The following HIP1R variants were observed in gnomAD, a reference collection of about 807,000 sequenced individuals.
The protein encoded by HIP1R is huntingtin-interacting protein 1-related protein.
Under a neutral mutation model 144.2 loss-of-function variants are expected in HIP1R, and 135 were observed. The ratio of observed to expected loss-of-function variants is 0.94; its 90% CI spans 0.81 to 1.08. The LOEUF (loss-of-function observed/expected upper bound fraction) is 1.08. HIP1R is among the 50% of genes least tolerant of loss of function. HIP1R has a pLI of 0.00. For synonymous variants in HIP1R, 698 were observed against 612.8 expected, an observed-to-expected ratio of 1.14 and a Z score of -2.05; for missense variants, 1,462 against 1,432.8, an observed-to-expected ratio of 1.02 and a Z score of -0.33.
Position 122,856,240 on chromosome 12 carries a change from CT to C in HIP1R, c.1313-15del. ...CACCCCACACGGGGCATCACTGCCCCTCCTCTCGCCCCCAGGGAAGGCCAGT... is the reference window on the plus strand; with the variant it reads ...CACCCCACACGGGGCATCACTGCCCCCCTCTCGCCCCCAGGGAAGGCCAGT... On this transcript the variant is annotated splice_polypyrimidine_tract_variant and intron_variant, in intron 14 of 31. Transcript: ENST00000253083. 1 of 1,613,536 alleles carries C rather than the reference CT, an allele frequency of 6.2e-7. No homozygotes were observed. Among genetic ancestry groups the C allele is most frequent in the Non-Finnish European group, 8.5e-7 (1 of 1,179,898 alleles).
intron 18 of HIP1R, 43 bp downstream of exon 18, chr12:122,857,258 C>T (rs566700656): frequency 4.6e-5 from 69 of 1,511,452 alleles, no homozygotes; most frequent in African/African-American, 8.3e-5. Context: ...AGTTCACTGC[C>T]GTCTGGCAAC....
At chr12:122,853,850 C>T (rs1218966345) in intron 7 of HIP1R, 193 bp from the exon 8 acceptor site, 27 of 567,916 alleles carry the variant, frequency 4.8e-5, no homozygotes, top group Admixed American at 6.8e-5. Context: ...TTGTTGTTGC[C>T]GTTGACCTCC....
In HIP1R at chr12:122,849,872, C is replaced by T; in HGVS notation, c.358-3C>T. On this transcript the variant is annotated splice_region_variant and splice_polypyrimidine_tract_variant and intron_variant, in intron 4 of 31. Transcript: ENST00000253083. ...GCCCCTCACCCTGTCTGTCTTCACA[C>T]AGGGACATTTGCATGACCGCTACGG... 1 of 1,611,530 alleles carries T rather than the reference C, an allele frequency of 6.2e-7. No homozygotes were observed. The highest frequency in any genetic ancestry group is 1.1e-5 in the South Asian group (1 of 90,978).
At chr12:122,835,090 CCCT>C, upstream of HIP1R, 3 of 1,014,938 alleles carry the variant, frequency 3.0e-6, no homozygotes, top group Non-Finnish European at 4.0e-6. Flanking sequence ...TTCCCCCTCC[CCCT>C]TCCCCTACCC....
chr12:122,855,591 A>G lies in HIP1R; in HGVS notation c.1034A>G (p.Asn345Ser), dbSNP rs149504879. The G allele has an allele frequency of 6.7e-4, 1,041 of 1,549,792 alleles. 1 individual carries two copies. Among genetic ancestry groups the G allele is most frequent in the South Asian group, 1.4e-3 (119 of 83,988 alleles). ...TTCGATCAGACGTTTGGACCCCCCA[A>G]TGGGTCTGTGAAGGACGACAGGTGA... is the stretch of plus-strand genomic sequence containing the variant. ...DLFDQTFGPP[N>S]GSVKDDRDLQ... The change falls in exon 12 of 32, where the codon AAT becomes AGT. Residue 345 changes from asparagine to serine, a missense_variant. This residue lies in a region of HIP1R where 1,112 missense variants were observed against 1,011.7 expected (regional missense o/e 1.10). Transcript: ENST00000253083.
At chr12:122,839,400 A>G (rs1231264538) in intron 1 of HIP1R, among the ~76,000 whole-genome samples, 1 of 152,240 alleles carries the variant, frequency 6.6e-6, no homozygotes, top group Non-Finnish European at 1.5e-5. Context: ...CTGGCGGGTG[A>G]GCATTAACTG....
Position 122,856,437 on chromosome 12 carries a change from G to C in HIP1R, c.1407G>C (p.Ala469=), listed in dbSNP as rs767305459. ...CCCTTCCCCTGCCCATGCAGAACGC[G>C]GACACAGCCAAGCAGCTGACGGTGA... ...HVHAELLRKN[A]DTAKQLTVTQ... The change falls in exon 16 of 32, where the codon GCG becomes GCC. Residue 469 remains alanine (A), a synonymous_variant. Transcript: ENST00000253083. The C allele has an allele frequency of 6.3e-7, 1 of 1,595,064 alleles. No individual in the cohort carries two copies. Among genetic ancestry groups the C allele is most frequent in the South Asian group, 1.1e-5 (1 of 88,888 alleles).
intron 4 of HIP1R, 53 bp from the exon 5 acceptor site, chr12:122,849,822 C>A: frequency 7.4e-7 from 1 of 1,359,424 alleles, no homozygotes. Flanking sequence ...TCCTTGAGGA[C>A]TCTTGGACGT....
intron 23 of HIP1R, 69 bp downstream of exon 23, chr12:122,859,605 T>G: frequency 7.0e-7 from 1 of 1,421,912 alleles, no homozygotes; most frequent in Non-Finnish European, 9.8e-7. Context: ...CCAACTGGGC[T>G]GGGTACAGGC....
Position 122,856,327 on chromosome 12 carries a change from G to A in HIP1R, c.1384G>A (p.Ala462Thr), listed in dbSNP as rs774558277. The change falls in exon 15 of 32, where the codon GCG (alanine) becomes ACG (threonine). Residue 462 changes from alanine (A) to threonine (T), a missense_variant. Physicochemically the swap from Ala to Thr is moderately conservative, Grantham distance 58. Coordinates refer to ENST00000253083, the MANE Select transcript of HIP1R (RefSeq NM_003959.3). The stretch of plus-strand genomic sequence containing the variant: ...GCACAGTGAGCTCGTCCATGTGCAC[G>A]CGGAGCTGCTCAGAAAGGTAGGTGC... ...EKHSELVHVH[A>T]ELLRKNADTA... is the part of the protein sequence containing the mutation. 5 of 1,613,848 alleles carry A rather than the reference G, an allele frequency of 3.1e-6. No individual in the cohort carries two copies. The highest frequency in any genetic ancestry group is 2.2e-5 in the East Asian group (1 of 44,870).
Position 122,856,636 on chromosome 12 carries a change from G to A in HIP1R, c.1530G>A (p.Lys510=), listed in dbSNP as rs1390569505. ...CTGTCCTGTCCCAGCTAGAGGAGAAGAGCGACCAGCTGGAGAAGCTCAAGA... is the reference window on the plus strand; with the variant it reads ...CTGTCCTGTCCCAGCTAGAGGAGAAAAGCGACCAGCTGGAGAAGCTCAAGA... ...KRESELKLEE[K]SDQLEKLKRE... The change falls in exon 17 of 32, where the codon AAG becomes AAA. Residue 510 remains lysine (K), a synonymous_variant. Coordinates refer to ENST00000253083, the MANE Select transcript of HIP1R (RefSeq NM_003959.3). 6.2e-7 allele frequency: 1 copy of A among 1,605,444 alleles called. No homozygotes were observed. The highest frequency in any genetic ancestry group is 8.5e-7 in the Non-Finnish European group (1 of 1,176,056).
At position 122,840,017 on chromosome 12, in the gene HIP1R, CGTT is replaced by C. The variant is rs2033014159; in HGVS notation, c.93+4378_93+4380del. ...CGCAGCATGGCATGGGCGTTGAGCT[CGTT>C]GTTCCTGGGCATGCGCACTGCTGTC... On this transcript the variant is annotated intron_variant, in intron 1 of 31. Transcript: ENST00000253083. This position sits in a 1 kb window ranked among gnomAD's most constrained non-coding sequence, Gnocchi z 4.2. 6.6e-6 allele frequency among the ~76,000 whole-genome samples: 1 copy of C among 152,270 alleles called. No homozygotes were observed. Among genetic ancestry groups the C allele is most frequent in the East Asian group, 1.9e-4 (1 of 5,200 alleles).
chr12:122,854,299 A>G, intron 8 of HIP1R, 116 bp downstream of exon 8: 1 of 714,580 alleles, frequency 1.4e-6, no homozygotes, highest in Non-Finnish European at 2.1e-6. Flanking sequence ...AATGGCAGTA[A>G]TAAACCCACT....
chr12:122,847,017 C>G (rs141728714), intron 1 of HIP1R, among the ~76,000 whole-genome samples: 14 of 152,294 alleles, frequency 9.2e-5, no homozygotes, highest in Non-Finnish European at 1.8e-4. Context: ...CAGCCTGTGG[C>G]TCAGGAGCCC....
intron 4 of HIP1R, 99 bp from the exon 5 acceptor site, chr12:122,849,773 TGAA>T (rs2033319760): frequency 2.7e-6 from 2 of 750,650 alleles, no homozygotes; most frequent in Non-Finnish European, 4.7e-6. Flanking sequence ...GTTTGTTGAA[TGAA>T]GAAGTGCCCG....
intron 31 of HIP1R, 60 bp from the exon 32 acceptor site, chr12:122,861,646 A>T (rs2135681806): frequency 1.2e-6 from 2 of 1,602,940 alleles, no homozygotes; most frequent in Non-Finnish European, 1.7e-6. Context: ...TGCTCAAGGG[A>T]GAGGTGGGGC....
intron 18 of HIP1R, 153 bp downstream of exon 18, chr12:122,857,368 C>T (rs899203685): frequency 2.3e-5 from 17 of 747,400 alleles, no homozygotes; most frequent in South Asian, 3.3e-5. Context: ...CTCAGCATCA[C>T]GTTGTCAAGG....
chr12:122,856,730 C>T lies in HIP1R; in HGVS notation c.1620+4C>T. ...GGCCCTGAGCCACACAGAGCAGGTG[C>T]ATCTGGCTTTGATGACTGGAGGTGG... On this transcript the variant is annotated splice_donor_region_variant and intron_variant, in intron 17 of 31. Coordinates refer to ENST00000253083, the MANE Select transcript of HIP1R (RefSeq NM_003959.3). 2 of 1,566,778 alleles carry T rather than the reference C, an allele frequency of 1.3e-6. No individual in the cohort carries two copies. Among genetic ancestry groups the T allele is most frequent in the African/African-American group, 2.7e-5 (2 of 74,122 alleles).
rs772380417 is a variant in HIP1R at position 122,855,304 on chromosome 12, C to T, written c.892C>T (p.His298Tyr). ...NFLRASALAE[H>Y]IKPVVVIPEE... is the part of the protein sequence containing the mutation. ...CCTGCGGGCCTCAGCCCTGGCTGAG[C>T]ACATCAAGCCGGTGGTGGTGATCCC... Residue 298 changes from histidine (H) to tyrosine (Y), a missense_variant, in exon 11 of 32, where the codon CAC (histidine) becomes TAC (tyrosine). By Grantham distance (83) the His-to-Tyr change is moderately conservative. Around this residue, in one of 2 missense-constraint regions of HIP1R, gnomAD observed 350 missense variants for 421.1 expected, o/e 0.83. Coordinates refer to ENST00000253083, the MANE Select transcript of HIP1R (RefSeq NM_003959.3). 6.2e-7 allele frequency: 1 copy of T among 1,612,562 alleles called. No individual in the cohort carries two copies. Among genetic ancestry groups the T allele is most frequent in the South Asian group, 1.1e-5 (1 of 91,056 alleles).
Sources: allele counts gnomAD v4.1 joint callset (sites outside exome capture counted in the v4.1 genomes callset), GRCh38; gene constraint gnomAD v4.1.1; regional missense constraint gnomAD v4.1.1; non-coding constraint Gnocchi (gnomAD v3.1); transcripts MANE v1.5; gene names NCBI Gene and HGNC (gene_info 2026-07-23, HGNC 2026-07-21).